ATP13A4: variants seen among roughly 807,000 people sequenced by gnomAD.
ATP13A4 encodes probable cation-transporting ATPase 13A4.
Under a neutral mutation model 142.5 loss-of-function variants are expected in ATP13A4, and 114 were observed. That is an observed-to-expected ratio of 0.80 (90% CI 0.69 to 0.93). ATP13A4 has a LOEUF of 0.93. Ranked by LOEUF, ATP13A4 falls within the 40% of genes least tolerant of loss-of-function variation. ATP13A4 has a pLI of 0.00. For synonymous variants in ATP13A4, 488 were observed against 514.8 expected (o/e 0.95, Z 0.70); for missense variants, 1,392 against 1,454.0 (o/e 0.96, Z 0.69).
chr3:193,542,510 C>G (rs1338315587), intron 1 of ATP13A4, among the ~76,000 whole-genome samples: 1 of 151,802 alleles, frequency 6.6e-6, no homozygotes, highest in Non-Finnish European at 1.5e-5. Flanking sequence ...AAAAAGAGTC[C>G]CCATAGCCAA....
chr3:193,573,292 C>CATATATATATATATACATATAT (rs1161447871), intron 2 of ATP13A4, among the ~76,000 whole-genome samples: 1 of 107,888 alleles, frequency 9.3e-6, no homozygotes, highest in African/African-American at 4.6e-5. Context: ...TATATATACA[C>CATATATATATATATACATATAT]ATATATATAT....
At chr3:193,447,154 T>C (rs1037494340) in intron 18 of ATP13A4, among the ~76,000 whole-genome samples, 27 of 152,130 alleles carry the variant, frequency 1.8e-4, no homozygotes, top group Non-Finnish European at 4.0e-4. Context: ...TACATAAATC[T>C]AAGTTAAGGA....
intron 8 of ATP13A4, among the ~76,000 whole-genome samples, chr3:193,472,983 T>C (rs1365010209): frequency 2.0e-5 from 3 of 152,230 alleles, no homozygotes; most frequent in Non-Finnish European, 2.9e-5. Flanking sequence ...TATAAGAATA[T>C]ATAAACATGT....
At chr3:193,537,516 A>C (rs917423218) in intron 1 of ATP13A4, among the ~76,000 whole-genome samples, 2 of 152,172 alleles carry the variant, frequency 1.3e-5, no homozygotes, top group African/African-American at 4.8e-5. Context: ...GGCTAGGCAA[A>C]GAGTTCCTAG....
intron 1 of ATP13A4, among the ~76,000 whole-genome samples, chr3:193,537,479 A>C (rs1026525494): frequency 3.3e-5 from 5 of 152,186 alleles, no homozygotes; most frequent in Non-Finnish European, 5.9e-5. Flanking sequence ...TTTAAGAAAA[A>C]ATGTTGGAGA....
chr3:193,557,411 A>G (rs992091018), upstream of ATP13A4, among the ~76,000 whole-genome samples: 1 of 152,192 alleles, frequency 6.6e-6, no homozygotes, highest in Non-Finnish European at 1.5e-5. Flanking sequence ...ACATAACCAT[A>G]ACCAGAAACA....
chr3:193,547,642 C>T (rs1356385151), intron 1 of ATP13A4, among the ~76,000 whole-genome samples: 1 of 151,414 alleles, frequency 6.6e-6, no homozygotes, highest in African/African-American at 2.5e-5. Context: ...GTATGCATAG[C>T]TCTCAATATG....
chr3:193,571,319 A>G (rs1007785865), intron 2 of ATP13A4, among the ~76,000 whole-genome samples: 5 of 149,138 alleles, frequency 3.4e-5, no homozygotes, highest in African/African-American at 1.0e-4. Flanking sequence ...AAAGAGAGAT[A>G]CAAATAAACA....
rs747616260 is a variant in ATP13A4 at position 193,554,762 on chromosome 3, T to C, written c.38A>G (p.Asn13Ser). The change falls in exon 1 of 30, where the codon AAT (asparagine) becomes AGT (serine). Residue 13 changes from asparagine (N) to serine (S), a missense_variant. Transcript: ENST00000342695. ...TACCATCTCATTCTCTTCTCCTTCA[T>C]TGAGCAGAGCGTGCTGGCCCTTCTC... ...HFEKGQHALL[N>S]EGEENEMEIF... 3.5e-5 allele frequency: 57 copies of C among 1,613,802 alleles called. 1 individual carries two copies. The Middle Eastern group carries it at 2.0e-3, about 56-fold the overall frequency.
At chr3:193,465,724 T>C (rs898434721) in intron 11 of ATP13A4, among the ~76,000 whole-genome samples, 5 of 152,220 alleles carry the variant, frequency 3.3e-5, no homozygotes, top group Admixed American at 2.0e-4. Context: ...TGCTACTTTA[T>C]TGAAAGAAAT....
At chr3:193,561,116 G>C (rs1724008339) in intron 2 of ATP13A4, among the ~76,000 whole-genome samples, 1 of 152,254 alleles carries the variant, frequency 6.6e-6, no homozygotes, top group African/African-American at 2.4e-5. Flanking sequence ...CTTAGGAACA[G>C]TAGTACCCAC....
intron 1 of ATP13A4, among the ~76,000 whole-genome samples, chr3:193,526,927 C>T (rs1722035470): frequency 6.6e-6 from 1 of 152,062 alleles, no homozygotes; most frequent in African/African-American, 2.4e-5. Flanking sequence ...AATTTTTGCA[C>T]ATTTTTGTGG....
At chr3:193,495,121 A>G (rs1266445410) in intron 3 of ATP13A4, among the ~76,000 whole-genome samples, 1 of 152,100 alleles carries the variant, frequency 6.6e-6, no homozygotes, top group Non-Finnish European at 1.5e-5. Context: ...TCTTGCATCA[A>G]AGAAAAGCTC....
At chr3:193,518,750 T>C (rs1721562135) in intron 1 of ATP13A4, among the ~76,000 whole-genome samples, 1 of 152,176 alleles carries the variant, frequency 6.6e-6, no homozygotes, top group African/African-American at 2.4e-5. Context: ...GCAAGTACCA[T>C]ATGCCCCCTC....
rs774071588 is a variant in ATP13A4, at chr3:193,502,576, C to T, written c.298G>A (p.Ala100Thr). The change falls in exon 3 of 30, where the codon GCA becomes ACA. Residue 100 changes from alanine to threonine, a missense_variant. By Grantham distance (58) the Ala-to-Thr change is moderately conservative. Transcript: ENST00000342695. ...IWIYLSALNS[A>T]FGLTPDHPLM... Reference sequence around the variant, plus strand: ...GGGTGGTCAGGAGTGAGACCAAATGCGCTGTTTAATGCTGACAGGTAGATC... The same window carrying T: ...GGGTGGTCAGGAGTGAGACCAAATGTGCTGTTTAATGCTGACAGGTAGATC... 88 of 1,613,394 alleles carry T rather than the reference C, an allele frequency of 5.5e-5. No individual in the cohort carries two copies. The highest frequency in any genetic ancestry group is 3.6e-4 in the East Asian group (16 of 44,884).
rs747666544 is a variant in ATP13A4, at chr3:193,502,448, A to C, written c.381+45T>G. On this transcript the variant is annotated intron_variant, in intron 3 of 29. Coordinates refer to ENST00000342695, the MANE Select transcript of ATP13A4 (RefSeq NM_032279.4). ...TTTAACTATATACTTGAGGGGAAAA[A>C]GATTAAATCTCTCTGACATCAGCAG... is the stretch of plus-strand genomic sequence containing the variant. The C allele has an allele frequency of 6.6e-5, 106 of 1,596,596 alleles. No homozygotes were observed. The South Asian group carries it at 8.3e-4, about 12-fold the overall frequency.
chr3:193,554,935 A>G, upstream of ATP13A4: 1 of 1,598,796 alleles, frequency 6.3e-7, no homozygotes, highest in Non-Finnish European at 8.5e-7. Context: ...CTCCTCCTTG[A>G]GCACACACCT....
intron 8 of ATP13A4, among the ~76,000 whole-genome samples, chr3:193,474,554 GA>G (rs1234846171): frequency 1.7e-5 from 2 of 116,738 alleles, no homozygotes; most frequent in African/African-American, 3.3e-5. Flanking sequence ...AGAGAGAGAA[GA>G]AAAAAGAGAG....
chr3:193,504,276 G>A (rs1367874922), intron 2 of ATP13A4, among the ~76,000 whole-genome samples: 2 of 152,076 alleles, frequency 1.3e-5, no homozygotes, highest in Non-Finnish European at 2.9e-5. Flanking sequence ...CCGATCTGAT[G>A]ATAGACATGG....
Sources: allele counts gnomAD v4.1 joint callset (sites outside exome capture counted in the v4.1 genomes callset), GRCh38; gene constraint gnomAD v4.1.1; transcripts MANE v1.5; gene names NCBI Gene and HGNC (gene_info 2026-07-23, HGNC 2026-07-21).